The following SNW1 variants were observed in gnomAD, a reference collection of about 807,000 sequenced individuals.
SNW1 encodes the protein SNW domain containing 1, also known as SNW domain-containing protein 1.
In SNW1, 9 loss-of-function variants were observed where a neutral mutation model predicts 75.6. The ratio of observed to expected loss-of-function variants is 0.12; its 90% confidence interval spans 0.07 to 0.21. The LOEUF (loss-of-function observed/expected upper bound fraction) is 0.21. Ranked by LOEUF, SNW1 falls within the 10% of genes least tolerant of loss-of-function variation. The pLI, the probability that SNW1 is intolerant of heterozygous loss-of-function variation, is 1.00. For missense variants in SNW1, 409 were observed against 670.9 expected (o/e 0.61, Z 4.31); for synonymous variants, 200 against 219.1 (o/e 0.91, Z 0.77).
At chr14:77,733,097 C>T (rs2080640185) in intron 8 of SNW1, among the ~76,000 whole-genome samples, 1 of 152,192 alleles carries the variant, frequency 6.6e-6, no homozygotes, top group Non-Finnish European at 1.5e-5. Flanking sequence ...AGCACTTACA[C>T]CTATGGTCTC....
intron 3 of SNW1, among the ~76,000 whole-genome samples, chr14:77,742,315 C>T (rs1194560743): frequency 6.6e-6 from 1 of 152,202 alleles, no homozygotes; most frequent in Admixed American, 6.5e-5. Context: ...GGATTACAGG[C>T]GTGAGCCACA....
chr14:77,740,223 C>A (rs1438386732), intron 3 of SNW1, among the ~76,000 whole-genome samples: 1 of 144,822 alleles, frequency 6.9e-6, no homozygotes, highest in African/African-American at 2.5e-5. Context: ...GTCAGAAATT[C>A]TTTGAGGTAC....
chr14:77,723,212 G>A lies in SNW1; in HGVS notation c.1099C>T (p.Arg367Trp). 1.2e-6 allele frequency: 2 copies of A among 1,613,978 alleles called. No homozygotes were observed. Among genetic ancestry groups the A allele is most frequent in the Non-Finnish European group, 1.7e-6 (2 of 1,179,966 alleles). Residue 367 changes from arginine (R) to tryptophan (W), a missense_variant, in exon 11 of 14, where the codon CGG (arginine) becomes TGG (tryptophan). Transcript: ENST00000261531. ...HDRRKERQHDRNLSRAAPDKR... is the reference protein window; with the variant it reads ...HDRRKERQHDWNLSRAAPDKR... Reference sequence around the variant, plus strand: ...TCAGGAGCTGCCCTGGAAAGATTCCGGTCATGCTGTCTCTCTTTTCGCCTG... The same window carrying A: ...TCAGGAGCTGCCCTGGAAAGATTCCAGTCATGCTGTCTCTCTTTTCGCCTG...
At chr14:77,722,977 TG>T (rs914440724) in intron 11 of SNW1, 1 of 515,368 alleles carries the variant, frequency 1.9e-6, no homozygotes, top group African/African-American at 1.9e-5. Flanking sequence ...GCCAAGTAGC[TG>T]GGACTACAGG....
intron 1 of SNW1, 142 bp downstream of exon 1, chr14:77,760,972 A>G: frequency 6.3e-7 from 1 of 1,595,122 alleles, no homozygotes; most frequent in Non-Finnish European, 8.6e-7. Context: ...AGCGGCGGCC[A>G]GCGGGAGGGC....
In SNW1 at chr14:77,733,129, T is replaced by G. The variant is rs115457585; in HGVS notation, c.775-528A>C. ...TCTCATTTAACCTTCACGATAACTC[T>G]ATAAAGCTTCTAACATTATTGTGTC... is the stretch of plus-strand genomic sequence containing the variant. On this transcript the variant is annotated intron_variant, in intron 8 of 13. Transcript: ENST00000261531. 7.7e-3 allele frequency among the ~76,000 whole-genome samples: 1,173 copies of G among 152,332 alleles called. 10 individuals are homozygous for G. The highest frequency in any genetic ancestry group is 0.027 in the African/African-American group (1,129 of 41,570).
chr14:77,751,313 G>A lies in SNW1; in HGVS notation c.330+6C>T. 4 of 1,606,406 alleles carry A rather than the reference G, an allele frequency of 2.5e-6. No homozygotes were observed. The highest frequency in any genetic ancestry group is 3.4e-6 in the Non-Finnish European group (4 of 1,176,610). On this transcript the variant is annotated splice_donor_region_variant and intron_variant, in intron 3 of 13. Coordinates refer to ENST00000261531, the MANE Select transcript of SNW1 (RefSeq NM_012245.3). ...TTATCATTCAGGGAAAACATGAGAG[G>A]ATTACCTTGTCTTTTGACTGTCCTT... is the stretch of plus-strand genomic sequence containing the variant.
At chr14:77,750,261 G>A (rs148105364) in intron 3 of SNW1, among the ~76,000 whole-genome samples, 183 of 152,144 alleles carry the variant, frequency 1.2e-3, no homozygotes, top group African/African-American at 4.0e-3. Context: ...AAGGCATTTC[G>A]TGCAAAAACA....
chr14:77,741,577 C>G (rs1157005485), intron 3 of SNW1, among the ~76,000 whole-genome samples: 1 of 152,038 alleles, frequency 6.6e-6, no homozygotes, highest in Non-Finnish European at 1.5e-5. Context: ...TCACCATACT[C>G]TAAGAGTGTT....
intron 1 of SNW1, among the ~76,000 whole-genome samples, chr14:77,759,246 C>T (rs1200348849): frequency 6.6e-6 from 1 of 152,164 alleles, no homozygotes; most frequent in Admixed American, 6.5e-5. Context: ...TGGTGGCTCA[C>T]GCCAGTAATG....
Position 77,737,030 on chromosome 14 carries a change from T to C in SNW1, c.579A>G (p.Lys193=). 1 of 1,613,944 alleles carries C rather than the reference T, an allele frequency of 6.2e-7. No individual in the cohort carries two copies. The highest frequency in any genetic ancestry group is 1.7e-4 in the Middle Eastern group (1 of 6,058). The change falls in exon 6 of 14, where the codon AAA becomes AAG. Residue 193 remains lysine (K), a synonymous_variant. Transcript: ENST00000261531. ...QQGVAFNSGA[K]QRVIRMVEMQ... ...TTTCTACCATCCGAATAACCCTCTG[T>C]TTAGCTCCAGAGTTGAATGCCACTC...
At chr14:77,731,210 G>C (rs1413679371) in intron 9 of SNW1, 81 bp from the exon 10 acceptor site, 2 of 1,423,618 alleles carry the variant, frequency 1.4e-6, no homozygotes, top group Non-Finnish European at 1.9e-6. Flanking sequence ...CTAACATCTG[G>C]CTGGTAAGAG....
At chr14:77,718,593 A>C in intron 12 of SNW1, 63 bp from the exon 13 acceptor site, 1 of 1,145,484 alleles carries the variant, frequency 8.7e-7, no homozygotes, top group African/African-American at 1.5e-5. Context: ...GCTGAATCAT[A>C]ACATGTTTAC....
At chr14:77,722,143 T>C (rs1364747829) in intron 11 of SNW1, among the ~76,000 whole-genome samples, 1 of 152,208 alleles carries the variant, frequency 6.6e-6, no homozygotes, top group African/African-American at 2.4e-5. Flanking sequence ...AAATATTCTA[T>C]ATTTGCATTT....
chr14:77,723,891 G>C (rs762772590), intron 10 of SNW1, among the ~76,000 whole-genome samples: 2 of 152,030 alleles, frequency 1.3e-5, no homozygotes, highest in African/African-American at 4.8e-5. Context: ...GTGATCTGCC[G>C]CACCCAGCCA....
At chr14:77,759,519 A>G (rs534524010) in intron 1 of SNW1, among the ~76,000 whole-genome samples, 1 of 152,252 alleles carries the variant, frequency 6.6e-6, no homozygotes, top group South Asian at 2.1e-4. Flanking sequence ...ATCAAAAAAT[A>G]AAATAAATAA....
At chr14:77,734,861 C>A (rs981930569) in intron 8 of SNW1, 86 bp downstream of exon 8, 2 of 881,816 alleles carry the variant, frequency 2.3e-6, no homozygotes, top group East Asian at 2.5e-5. Flanking sequence ...CGTGTTGTTT[C>A]AACTACAGTT....
In SNW1 at chr14:77,761,154, G is replaced by T. The variant is rs773358379; in HGVS notation, c.-27C>A. 3 of 1,614,126 alleles carry T rather than the reference G, an allele frequency of 1.9e-6. No homozygotes were observed. The highest frequency in any genetic ancestry group is 3.3e-5 in the Admixed American group (2 of 60,016). On this transcript the variant is annotated 5_prime_UTR_variant, in exon 1 of 14. Coordinates refer to ENST00000261531, the MANE Select transcript of SNW1 (RefSeq NM_012245.3). Reference sequence around the variant, plus strand: ...TTCTTCCGCTTCTTCCAGCGCGAGCGACAGCACCGCTGGGCGGGTCTTTCC... The same window carrying T: ...TTCTTCCGCTTCTTCCAGCGCGAGCTACAGCACCGCTGGGCGGGTCTTTCC...
chr14:77,730,304 C>T (rs1018027623), intron 10 of SNW1, among the ~76,000 whole-genome samples: 1 of 152,180 alleles, frequency 6.6e-6, no homozygotes, highest in African/African-American at 2.4e-5. Context: ...TCTACACTCA[C>T]CAGAATGTTG....
Sources: gnomAD v4.1 joint callset for allele counts (sites outside exome capture counted in the v4.1 genomes callset) on GRCh38, gnomAD v4.1.1 for gene constraint, MANE v1.5 for transcripts, NCBI Gene and HGNC (gene_info 2026-07-23, HGNC 2026-07-21) for gene names.